Variants in SPECC1 observed in about 807,000 individuals in gnomAD.
SPECC1 encodes cytospin-B.
A neutral mutation model predicts 104.1 loss-of-function variants in SPECC1; 62 were observed. The ratio of observed to expected loss-of-function variants is 0.60; its 90% CI spans 0.49 to 0.74. The LOEUF (loss-of-function observed/expected upper bound fraction) is 0.74. SPECC1 is among the 30% of genes least tolerant of loss of function. SPECC1 has a pLI of 0.00. For missense variants in SPECC1, 1,306 were observed against 1,310.5 expected, an observed-to-expected ratio of 1.00 and a Z score of 0.05; for synonymous variants, 513 against 501.6, an observed-to-expected ratio of 1.02 and a Z score of -0.30.
intron 10 of SPECC1, among the ~76,000 whole-genome samples, chr17:20,254,235 C>G (rs1376695096): frequency 6.6e-6 from 1 of 151,046 alleles, no homozygotes; most frequent in Admixed American, 6.6e-5. Flanking sequence ...ATTCAGCAGT[C>G]CCAGCAGTCC....
At chr17:20,248,637 ATGATTATAGGCCATTTATCTCTTGTG>A in intron 9 of SPECC1, among the ~76,000 whole-genome samples, 1 of 152,306 alleles carries the variant, frequency 6.6e-6, no homozygotes, top group African/African-American at 2.4e-5. Context: ...ACTTCTTCGT[ATGATTATAGGCCATTTATCTCTTGTG>A]TGTCGGTGTG....
chr17:20,011,678 C>T (rs1251532137), intron 1 of SPECC1, among the ~76,000 whole-genome samples: 1 of 151,598 alleles, frequency 6.6e-6, no homozygotes, highest in African/African-American at 2.4e-5. Flanking sequence ...TTATTTTGTT[C>T]AAGTTTTAAC....
chr17:20,061,965 C>T (rs1567819186), intron 1 of SPECC1, among the ~76,000 whole-genome samples: 1 of 152,012 alleles, frequency 6.6e-6, no homozygotes, highest in Admixed American at 6.6e-5. Context: ...GTCTTTATTT[C>T]AAATTATTTT....
intron 3 of SPECC1, among the ~76,000 whole-genome samples, chr17:20,165,335 G>C (rs997900940): frequency 5.3e-5 from 8 of 152,044 alleles, no homozygotes; most frequent in Non-Finnish European, 8.8e-5. Context: ...GTGTTAGTTT[G>C]CTGAGGATAA....
intron 3 of SPECC1, among the ~76,000 whole-genome samples, chr17:20,145,536 G>C (rs902344926): frequency 6.6e-6 from 1 of 152,064 alleles, no homozygotes; most frequent in Admixed American, 6.6e-5. Flanking sequence ...ACCTCAAACC[G>C]AGGACAGAGT....
chr17:20,096,505 C>T, intron 1 of SPECC1, 126 bp from the exon 2 acceptor site: 1 of 1,128,408 alleles, frequency 8.9e-7, no homozygotes, highest in Non-Finnish European at 1.3e-6. Flanking sequence ...TATTTCCAGC[C>T]AAATCATAGG....
chr17:20,208,477 C>T (rs879917959), intron 4 of SPECC1, among the ~76,000 whole-genome samples: 1 of 152,214 alleles, frequency 6.6e-6, no homozygotes, highest in Admixed American at 6.5e-5. Flanking sequence ...ATCAAGTAAT[C>T]TGCCAACAAC....
chr17:20,182,674 TTAG>T (rs1313719023), intron 3 of SPECC1, among the ~76,000 whole-genome samples: 1 of 152,210 alleles, frequency 6.6e-6, no homozygotes, highest in Non-Finnish European at 1.5e-5. Flanking sequence ...TATTTGTGAC[TTAG>T]TATAACATTT....
intron 3 of SPECC1, among the ~76,000 whole-genome samples, chr17:20,147,904 G>A (rs1325385779): frequency 6.6e-6 from 1 of 152,110 alleles, no homozygotes; most frequent in African/African-American, 2.4e-5. Flanking sequence ...TGGGTGTGAT[G>A]ACATGAGGCT....
chr17:20,123,706 G>C (rs906059345), intron 3 of SPECC1, among the ~76,000 whole-genome samples: 2 of 152,188 alleles, frequency 1.3e-5, no homozygotes, highest in African/African-American at 4.8e-5. Context: ...GTTTGTCTCA[G>C]GTAGGGAGAC....
chr17:20,017,188 C>G (rs983218619), intron 1 of SPECC1: 1 of 152,306 alleles, frequency 6.6e-6, no homozygotes, highest in African/African-American at 2.4e-5. Context: ...AAGGTTTGTC[C>G]TTTTGATGTT....
intron 1 of SPECC1, among the ~76,000 whole-genome samples, chr17:20,072,212 G>A (rs754619781): frequency 2.0e-5 from 3 of 152,206 alleles, no homozygotes; most frequent in African/African-American, 2.4e-5. Flanking sequence ...GTGAAGCTAC[G>A]AGGTGATTCA....
At chr17:20,143,128 C>G (rs2031029152) in intron 3 of SPECC1, among the ~76,000 whole-genome samples, 3 of 150,314 alleles carry the variant, frequency 2.0e-5, no homozygotes, top group Admixed American at 2.0e-4. Flanking sequence ...TCTGAAACAC[C>G]ACGTCTTAGA....
chr17:20,034,895 G>C (rs756575976), intron 1 of SPECC1, among the ~76,000 whole-genome samples: 1 of 152,094 alleles, frequency 6.6e-6, no homozygotes, highest in Non-Finnish European at 1.5e-5. Flanking sequence ...GTGAGCCACC[G>C]TGCGTGGCCT....
chr17:20,143,261 C>G (rs2031053973), intron 3 of SPECC1, among the ~76,000 whole-genome samples: 1 of 151,626 alleles, frequency 6.6e-6, no homozygotes, highest in Admixed American at 6.6e-5. Context: ...TGGTACGTGC[C>G]TGTGGTCCCA....
chr17:20,042,048 G>T (rs1161794756), intron 1 of SPECC1, among the ~76,000 whole-genome samples: 1 of 152,136 alleles, frequency 6.6e-6, no homozygotes, highest in Non-Finnish European at 1.5e-5. Context: ...CTGACTCTTG[G>T]TATAAATGAT....
At chr17:20,186,307 A>G (rs2035268660) in intron 3 of SPECC1, among the ~76,000 whole-genome samples, 1 of 152,126 alleles carries the variant, frequency 6.6e-6, no homozygotes, top group South Asian at 2.1e-4. Context: ...TAAGTGTGCA[A>G]TAGCATTACA....
intron 1 of SPECC1, among the ~76,000 whole-genome samples, chr17:20,073,886 TG>T (rs903075977): frequency 2.6e-5 from 4 of 152,300 alleles, no homozygotes; most frequent in African/African-American, 9.6e-5. Context: ...TGCATGATTT[TG>T]GGGGGCTGAA....
chr17:20,239,760 C>T (rs888385116), intron 7 of SPECC1, among the ~76,000 whole-genome samples: 1 of 151,720 alleles, frequency 6.6e-6, no homozygotes, highest in African/African-American at 2.4e-5. Flanking sequence ...ACATTTCACT[C>T]TTGAACATGC....
Sources: allele counts gnomAD v4.1 joint callset (sites outside exome capture counted in the v4.1 genomes callset), GRCh38; gene constraint gnomAD v4.1.1; transcripts MANE v1.5; gene names NCBI Gene and HGNC (gene_info 2026-07-23, HGNC 2026-07-21).